The following EIF4E1B variants were observed in gnomAD, a reference collection of about 807,000 sequenced individuals.
EIF4E1B encodes the protein eukaryotic translation initiation factor 4E type 1B.
Under a neutral mutation model 31.3 loss-of-function variants are expected in EIF4E1B, and 22 were observed. That is an observed-to-expected ratio of 0.70 (90% CI 0.50 to 1.00). The LOEUF (loss-of-function observed/expected upper bound fraction) is 1.00. Ranked by LOEUF, EIF4E1B falls within the 50% of genes least tolerant of loss-of-function variation. The probability of loss-of-function intolerance (pLI) is 0.00; values close to 1 mark genes in which losing one functional copy is unlikely to be tolerated. For missense variants in EIF4E1B, 290 were observed against 311.6 expected (o/e 0.93, Z 0.52); for synonymous variants, 126 against 120.2 (o/e 1.05, Z -0.31).
chr5:176,644,386 C>T lies in EIF4E1B; in HGVS notation c.307C>T (p.His103Tyr). ...TVEDFWALYSHIQLASKLSSG... is the reference protein window; with the variant it reads ...TVEDFWALYSYIQLASKLSSG... ...GGGGGCTCTGTCCAGGCTATACAGT[C>T]ACATCCAGCTGGCCAGCAAGCTCTC... The change falls in exon 6 of 9, where the codon CAC (histidine) becomes TAC (tyrosine). Residue 103 changes from histidine to tyrosine, a missense_variant. Transcript: ENST00000318682. 6.3e-7 allele frequency: 1 copy of T among 1,591,396 alleles called. No homozygotes were observed. The highest frequency in any genetic ancestry group is 8.6e-7 in the Non-Finnish European group (1 of 1,168,756).
rs2113452340 is a variant in EIF4E1B at position 176,646,631 on chromosome 5, T to TCCA, written c.*651_*652insCCA. The TCCA allele has an allele frequency of 6.6e-6, 1 of 152,438 alleles. No individual in the cohort carries two copies. The highest frequency in any genetic ancestry group is 2.4e-5 in the African/African-American group (1 of 41,596). The allele number at this position is 152,438 out of a possible 1,614,324, so 9.4% of individuals were successfully genotyped here. ...TCTTTCTGTTCCTGTTTTAAATAAATACTTCTGAACAAAGTTGGAATTATT... is the reference window on the plus strand; with the variant it reads ...TCTTTCTGTTCCTGTTTTAAATAAATCCAACTTCTGAACAAAGTTGGAATTATT... On this transcript the variant is annotated 3_prime_UTR_variant, in exon 9 of 9. Transcript: ENST00000318682.
At position 176,638,228 on chromosome 5, in the gene EIF4E1B, C is replaced by A. The variant is rs1760526311; in HGVS notation, c.-201-3815C>A. ...TTCTGGATTTCTGGTGGCGGCTAAG[C>A]ATGTCACTCTCTAAATGACATTTAA... On this transcript the variant is annotated intron_variant, in intron 1 of 8. Coordinates refer to ENST00000318682, the MANE Select transcript of EIF4E1B (RefSeq NM_001099408.2). This position sits in a 1 kb window ranked among gnomAD's most constrained non-coding sequence, Gnocchi z 4.3. Among the ~76,000 whole-genome samples the A allele has an allele frequency of 6.6e-6, 1 of 152,146 alleles. No homozygotes were observed. The highest frequency in any genetic ancestry group is 6.5e-5 in the Admixed American group (1 of 15,284).
chr5:176,645,678 C>T lies in EIF4E1B; in HGVS notation c.614+162C>T. 8.2e-7 allele frequency: 1 copy of T among 1,216,570 alleles called. No individual in the cohort carries two copies. 75.4% of individuals were successfully genotyped at this position (1,216,570 alleles called of 1,614,324 possible). A position where few individuals can be genotyped will look rare whatever the true frequency, so the allele number is the denominator to read the frequency against. ...GAAGGTCTGGCGTTCAGATTTCTAA[C>T]TTTCTCTTACGGCAGTGCAGCTCTC... is the stretch of plus-strand genomic sequence containing the variant. On this transcript the variant is annotated intron_variant, in intron 8 of 8. Coordinates refer to ENST00000318682, the MANE Select transcript of EIF4E1B (RefSeq NM_001099408.2). The surrounding 1 kb of genome is among the most constrained non-coding windows in gnomAD (Gnocchi z 5.4).
At position 176,632,734 on chromosome 5, in the gene EIF4E1B, C is replaced by T. The variant is rs116889722; in HGVS notation, c.-202+1670C>T. Among the ~76,000 whole-genome samples, 25 of 152,232 alleles carry T rather than the reference C, an allele frequency of 1.6e-4. 1 individual carries two copies. In the East Asian group the frequency reaches 4.8e-3, roughly 29 times the overall value. On this transcript the variant is annotated intron_variant, in intron 1 of 8. Transcript: ENST00000318682. ...ATTTTAAGAACTAGCATGGAGGGTA[C>T]CTGCAGTTATTTTTGGTCTCTCAGC... is the stretch of plus-strand genomic sequence containing the variant.
In EIF4E1B at chr5:176,645,684, C is replaced by G; in HGVS notation, c.614+168C>G. ...CTGGCGTTCAGATTTCTAACTTTCT[C>G]TTACGGCAGTGCAGCTCTCCTTTTG... On this transcript the variant is annotated intron_variant, in intron 8 of 8. Transcript: ENST00000318682. This position sits in a 1 kb window ranked among gnomAD's most constrained non-coding sequence, Gnocchi z 5.4. 1 of 1,188,828 alleles carries G rather than the reference C, an allele frequency of 8.4e-7. No individual in the cohort carries two copies. Among genetic ancestry groups the G allele is most frequent in the Non-Finnish European group, 1.2e-6 (1 of 869,184 alleles). The allele number at this position is 1,188,828 out of a possible 1,614,324, so 73.6% of individuals were successfully genotyped here. A position where few individuals can be genotyped will look rare whatever the true frequency, so the allele number is the denominator to read the frequency against.
In EIF4E1B at chr5:176,644,224, G is replaced by A. The variant is rs569949242; in HGVS notation, c.297-152G>A. On this transcript the variant is annotated intron_variant, in intron 5 of 8. Transcript: ENST00000318682. ...GGAAAAGGTGGGTCTTGAGAGTTTGGATAAACGGGAGTGGAATCCCAGGTG... is the reference window on the plus strand; with the variant it reads ...GGAAAAGGTGGGTCTTGAGAGTTTGAATAAACGGGAGTGGAATCCCAGGTG... 2.0e-5 allele frequency: 15 copies of A among 768,508 alleles called. No individual in the cohort carries two copies. In the East Asian group the frequency reaches 4.1e-4, roughly 21 times the overall value. 47.6% of individuals were successfully genotyped at this position (768,508 alleles called of 1,614,324 possible). A position where few individuals can be genotyped will look rare whatever the true frequency, so the allele number is the denominator to read the frequency against.
intron 3 of EIF4E1B, 63 bp downstream of exon 3, chr5:176,642,865 C>CCGCGCG: frequency 2.6e-6 from 3 of 1,169,744 alleles, no homozygotes; most frequent in Non-Finnish European, 3.3e-6. Flanking sequence ...CCCCCCCCCC[C>CCGCGCG]GCCCCAGGTG....
intron 1 of EIF4E1B, among the ~76,000 whole-genome samples, chr5:176,639,209 T>C (rs1581185055): frequency 6.6e-6 from 1 of 152,072 alleles, no homozygotes; most frequent in African/African-American, 2.4e-5. Context: ...AAGTGGAGTG[T>C]CAGGAAATAC....
At chr5:176,641,804 T>C (rs1006697314) in intron 1 of EIF4E1B, 3 of 152,478 alleles carry the variant, frequency 2.0e-5, no homozygotes, top group African/African-American at 7.3e-5. Flanking sequence ...TTTAAAGGAC[T>C]TGGGGAGCCT....
rs1760667257 is a variant in EIF4E1B at position 176,645,063 on chromosome 5, G to A, written c.361-67G>A. 1.4e-6 allele frequency: 2 copies of A among 1,407,234 alleles called. No homozygotes were observed. The highest frequency in any genetic ancestry group is 2.6e-5 in the South Asian group (2 of 76,592). The allele number at this position is 1,407,234 out of a possible 1,614,324, so 87.2% of individuals were successfully genotyped here. On this transcript the variant is annotated intron_variant, in intron 6 of 8. Coordinates refer to ENST00000318682, the MANE Select transcript of EIF4E1B (RefSeq NM_001099408.2). This position sits in a 1 kb window ranked among gnomAD's most constrained non-coding sequence, Gnocchi z 5.4. The stretch of plus-strand genomic sequence containing the variant: ...CTCAGCAGAGAGCGGATAAGGCCGG[G>A]ATGGTGGGTGGGTCCCCATTTCCCT...
intron 1 of EIF4E1B, among the ~76,000 whole-genome samples, chr5:176,632,739 A>C (rs1760427049): frequency 1.3e-5 from 2 of 152,158 alleles, no homozygotes. Flanking sequence ...GGGTACCTGC[A>C]GTTATTTTTG....
At chr5:176,640,032 A>AT (rs1760549555) in intron 1 of EIF4E1B, among the ~76,000 whole-genome samples, 1 of 152,190 alleles carries the variant, frequency 6.6e-6, no homozygotes, top group African/African-American at 2.4e-5. Flanking sequence ...AGGTGGCAGT[A>AT]TGTCCCCTCC....
chr5:176,644,169 T>A, intron 5 of EIF4E1B: 1 of 594,960 alleles, frequency 1.7e-6, no homozygotes, highest in South Asian at 2.1e-5. Context: ...TCCCCAGGGG[T>A]TGGCTCAGCC....
At chr5:176,640,013 C>A (rs377360212) in intron 1 of EIF4E1B, among the ~76,000 whole-genome samples, 3 of 152,328 alleles carry the variant, frequency 2.0e-5, no homozygotes, top group African/African-American at 7.2e-5. Flanking sequence ...CAATGCTCCT[C>A]CCACTGAGAG....
At chr5:176,631,635 C>A (rs1760387741) in intron 1 of EIF4E1B, among the ~76,000 whole-genome samples, 2 of 147,296 alleles carry the variant, frequency 1.4e-5, no homozygotes, top group Non-Finnish European at 3.0e-5. Context: ...AGGGGGCCAC[C>A]AGCAGCCAGA....
intron 1 of EIF4E1B, among the ~76,000 whole-genome samples, chr5:176,636,404 G>A (rs908451226): frequency 3.3e-5 from 5 of 152,216 alleles, no homozygotes; most frequent in African/African-American, 2.4e-5. Flanking sequence ...TCCTAGGAAT[G>A]TACTAAGGAC....
chr5:176,636,296 G>A lies in EIF4E1B; in HGVS notation c.-202+5232G>A, dbSNP rs1262324606. On this transcript the variant is annotated intron_variant, in intron 1 of 8. Transcript: ENST00000318682. ...CAAAGCTCGGGCTCGTGGGCCTCCAGTGGCCAGTGGCCACCTGCGAGCCTC... is the reference window on the plus strand; with the variant it reads ...CAAAGCTCGGGCTCGTGGGCCTCCAATGGCCAGTGGCCACCTGCGAGCCTC... Among the ~76,000 whole-genome samples, 3 of 152,236 alleles carry A rather than the reference G, an allele frequency of 2.0e-5. No homozygotes were observed. The East Asian group carries it at 5.8e-4, about 29-fold the overall frequency.
At chr5:176,642,869 C>CGGCCG in intron 3 of EIF4E1B, 67 bp downstream of exon 3, 1 of 1,435,226 alleles carries the variant, frequency 7.0e-7, no homozygotes, top group Non-Finnish European at 9.4e-7. Context: ...CCCCCCCGCC[C>CGGCCG]CAGGTGGGCG....
In EIF4E1B at chr5:176,645,962, G is replaced by T; in HGVS notation, c.711G>T (p.Lys237Asn). The T allele has an allele frequency of 6.2e-7, 1 of 1,607,706 alleles. No individual in the cohort carries two copies. Among genetic ancestry groups the T allele is most frequent in the South Asian group, 1.1e-5 (1 of 89,824 alleles). The change falls in exon 9 of 9, where the codon AAG becomes AAT. Residue 237 changes from lysine (K) to asparagine (N), a missense_variant. Physicochemically the swap from Lys to Asn is moderately conservative, Grantham distance 94. Coordinates refer to ENST00000318682, the MANE Select transcript of EIF4E1B (RefSeq NM_001099408.2). The surrounding 1 kb of genome is among the most constrained non-coding windows in gnomAD (Gnocchi z 5.4). ...DTATKSNSLA[K>N]NKFVV The stretch of plus-strand genomic sequence containing the variant: ...CCACCAAGAGCAACTCCCTAGCCAA[G>T]AACAAGTTTGTGGTGTGAGGGGGGC...
Sources: allele counts gnomAD v4.1 joint callset (sites outside exome capture counted in the v4.1 genomes callset), GRCh38; gene constraint gnomAD v4.1.1; non-coding constraint Gnocchi (gnomAD v3.1); transcripts MANE v1.5; gene names NCBI Gene and HGNC (gene_info 2026-07-23, HGNC 2026-07-21).